Variants in PKD2 observed in about 807,000 individuals in gnomAD.
PKD2 encodes the protein polycystin-2.
In PKD2, 48 loss-of-function variants were observed where a neutral mutation model predicts 105.9. The ratio of observed to expected loss-of-function variants is 0.45; its 90% CI spans 0.36 to 0.58. The LOEUF (loss-of-function observed/expected upper bound fraction) is 0.58, where lower values mean the gene tolerates loss of function less well. PKD2 is among the 20% of genes least tolerant of loss of function. The probability of loss-of-function intolerance (pLI) is 0.00; values close to 1 mark genes in which losing one functional copy is unlikely to be tolerated. For synonymous variants in PKD2, 464 were observed against 481.1 expected (o/e 0.96, Z 0.46); for missense variants, 1,078 against 1,255.3 (o/e 0.86, Z 2.13).
At position 88,018,631 on chromosome 4, in the gene PKD2, A is replaced by G. The variant is rs775864674; in HGVS notation, c.596-827A>G. On this transcript the variant is annotated intron_variant, in intron 1 of 14. Transcript: ENST00000237596. ...ATTAACGGGGCTTTGGATGGCCACCATGTCTGCTGCTGGCTGAGTCCAAAA... is the reference window on the plus strand; with the variant it reads ...ATTAACGGGGCTTTGGATGGCCACCGTGTCTGCTGCTGGCTGAGTCCAAAA... 2.0e-5 allele frequency among the ~76,000 whole-genome samples: 3 copies of G among 152,330 alleles called. No individual in the cohort carries two copies. In the East Asian group the frequency reaches 5.8e-4, roughly 29 times the overall value.
chr4:88,010,017 A>G (rs907892783), intron 1 of PKD2, among the ~76,000 whole-genome samples: 4 of 152,194 alleles, frequency 2.6e-5, no homozygotes, highest in Non-Finnish European at 5.9e-5. Context: ...CAAAATGAAT[A>G]AGCTCATAGT....
intron 1 of PKD2, among the ~76,000 whole-genome samples, chr4:88,017,270 G>A (rs1002879514): frequency 5.9e-5 from 9 of 152,132 alleles, no homozygotes; most frequent in African/African-American, 2.2e-4. Context: ...GAGAGACCCT[G>A]CCTCAAGATA....
chr4:88,019,370 T>A (rs982641530), intron 1 of PKD2, 88 bp from the exon 2 acceptor site: 25 of 749,558 alleles, frequency 3.3e-5, no homozygotes, highest in Non-Finnish European at 5.1e-5. Flanking sequence ...GGTGAACTTT[T>A]TAATTTGTGC....
At position 88,007,644 on chromosome 4, in the gene PKD2, C is replaced by A; in HGVS notation, c.-90C>A. ...GTCGGGGGCGGGGAGCAGGCGGCGGCGGGCGCCGGGAAGAAAGGAACATGG... is the reference window on the plus strand; with the variant it reads ...GTCGGGGGCGGGGAGCAGGCGGCGGAGGGCGCCGGGAAGAAAGGAACATGG... On this transcript the variant is annotated 5_prime_UTR_variant, in exon 1 of 15. Coordinates refer to ENST00000237596, the MANE Select transcript of PKD2 (RefSeq NM_000297.4). 2 of 853,088 alleles carry A rather than the reference C, an allele frequency of 2.3e-6. No homozygotes were observed. Among genetic ancestry groups the A allele is most frequent in the Non-Finnish European group, 2.9e-6 (2 of 693,804 alleles). The allele number at this position is 853,088 out of a possible 1,614,324, so 52.8% of individuals were successfully genotyped here. A position where few individuals can be genotyped will look rare whatever the true frequency, so the allele number is the denominator to read the frequency against.
At chr4:88,065,722 C>T (rs371826338) in intron 11 of PKD2, 40 bp from the exon 12 acceptor site, 7 of 1,446,738 alleles carry the variant, frequency 4.8e-6, no homozygotes, top group African/African-American at 1.4e-5. Context: ...GAACTGGGTA[C>T]AAGGAATGAT....
At chr4:88,067,446 C>CCAGGTAGCT (rs1242394315) in intron 12 of PKD2, among the ~76,000 whole-genome samples, 14 of 152,238 alleles carry the variant, frequency 9.2e-5, no homozygotes, top group African/African-American at 3.4e-4. Flanking sequence ...CCTCAACCTC[C>CCAGGTAGCT]CAGGTAGCTC....
At chr4:88,057,428 T>C (rs1720396374) in intron 8 of PKD2, among the ~76,000 whole-genome samples, 1 of 151,712 alleles carries the variant, frequency 6.6e-6, no homozygotes, top group Non-Finnish European at 1.5e-5. Flanking sequence ...GAATAATAAT[T>C]GTATTTTCTT....
At chr4:88,073,138 G>A (rs752032644) in intron 13 of PKD2, among the ~76,000 whole-genome samples, 2 of 147,388 alleles carry the variant, frequency 1.4e-5, no homozygotes, top group Admixed American at 6.8e-5. Flanking sequence ...ATCACTTGAC[G>A]CTAGGAGTTC....
chr4:88,012,474 T>C (rs556399287), intron 1 of PKD2, among the ~76,000 whole-genome samples: 54 of 151,134 alleles, frequency 3.6e-4, no homozygotes, highest in African/African-American at 1.3e-3. Context: ...AGGATAATCA[T>C]ACCAACACAG....
intron 1 of PKD2, among the ~76,000 whole-genome samples, chr4:88,011,120 C>T (rs2725234): frequency 0.09 from 13,618 of 152,084 alleles, 924 homozygotes; most frequent in East Asian, 0.26. Flanking sequence ...CAAGGATGAC[C>T]GAAAGATTTA....
intron 2 of PKD2, among the ~76,000 whole-genome samples, chr4:88,033,444 G>T (rs1179223109): frequency 6.7e-6 from 1 of 149,616 alleles, no homozygotes; most frequent in African/African-American, 2.5e-5. Context: ...AAAAAAAAAA[G>T]TTACAATAAT....
At chr4:88,030,611 C>T (rs1727112051) in intron 2 of PKD2, among the ~76,000 whole-genome samples, 1 of 152,202 alleles carries the variant, frequency 6.6e-6, no homozygotes, top group Non-Finnish European at 1.5e-5. Context: ...CTAATTCCTC[C>T]TCATCCTTCA....
In PKD2 at chr4:88,065,931, G is replaced by A. The variant is rs201014209; in HGVS notation, c.2358+52G>A. The stretch of plus-strand genomic sequence containing the variant: ...TTGATTTGGTACCTACAACACCACA[G>A]ATGTATCAAACACTATAGAAGTAGT... On this transcript the variant is annotated intron_variant, in intron 12 of 14. Transcript: ENST00000237596. 2.2e-4 allele frequency: 209 copies of A among 961,604 alleles called. 1 individual carries two copies. The highest frequency in any genetic ancestry group is 8.7e-5 in the Non-Finnish European group (51 of 584,396). 59.6% of individuals were successfully genotyped at this position (961,604 alleles called of 1,614,324 possible). A position where few individuals can be genotyped will look rare whatever the true frequency, so the allele number is the denominator to read the frequency against.
At chr4:88,065,288 GTAGT>G in intron 10 of PKD2, 82 bp from the exon 11 acceptor site, 1 of 1,174,032 alleles carries the variant, frequency 8.5e-7, no homozygotes, top group South Asian at 1.2e-5. Context: ...CAGGTTTGTA[GTAGT>G]TACTACTGTG....
intron 1 of PKD2, among the ~76,000 whole-genome samples, chr4:88,016,338 A>G (rs552229213): frequency 3.3e-5 from 5 of 152,338 alleles, no homozygotes; most frequent in East Asian, 3.9e-4. Context: ...ACCTGGAAAC[A>G]TTGAATACCT....
At chr4:88,009,261 C>T (rs1344827695) in intron 1 of PKD2, among the ~76,000 whole-genome samples, 2 of 152,162 alleles carry the variant, frequency 1.3e-5, no homozygotes, top group Non-Finnish European at 2.9e-5. Flanking sequence ...TTTGCTTTTA[C>T]CCTCCAAATT....
intron 12 of PKD2, 50 bp downstream of exon 12, chr4:88,065,929 C>T: frequency 1.0e-6 from 1 of 964,370 alleles, no homozygotes; most frequent in Non-Finnish European, 1.7e-6. Context: ...TACAACACCA[C>T]AGATGTATCA....
In PKD2 at chr4:88,070,599, T is replaced by TAGAGAGAGAG. The variant is rs1267235364; in HGVS notation, c.2522+2539_2522+2540insGAGAGAGAGA. Reference sequence around the variant, plus strand: ...TTATATATATATATATATATATATATATAGAGAGAGAGAGAGAGAGAGAGA... The same window carrying TAGAGAGAGAG: ...TTATATATATATATATATATATATATAGAGAGAGAGATAGAGAGAGAGAGAGAGAGAGAGA... On this transcript the variant is annotated intron_variant, in intron 13 of 14. Coordinates refer to ENST00000237596, the MANE Select transcript of PKD2 (RefSeq NM_000297.4). 6.0e-3 allele frequency among the ~76,000 whole-genome samples: 591 copies of TAGAGAGAGAG among 98,184 alleles called. 2 individuals carry two copies. The highest frequency in any genetic ancestry group is 8.6e-3 in the Non-Finnish European group (430 of 50,224). The allele number at this position is 98,184 out of a possible 152,430, so 64.4% of individuals were successfully genotyped here.
chr4:88,023,443 C>T (rs966822203), intron 2 of PKD2, among the ~76,000 whole-genome samples: 1 of 152,212 alleles, frequency 6.6e-6, no homozygotes. Context: ...GTACCAGGCC[C>T]CGCCTTCAGC....
Sources: gnomAD v4.1 joint callset for allele counts (sites outside exome capture counted in the v4.1 genomes callset) on GRCh38, gnomAD v4.1.1 for gene constraint, MANE v1.5 for transcripts, NCBI Gene and HGNC (gene_info 2026-07-23, HGNC 2026-07-21) for gene names.